Variants in ALDOA observed in about 807,000 individuals in gnomAD.
ALDOA encodes fructose-bisphosphate aldolase A.
In ALDOA, 26 loss-of-function variants were observed where a neutral mutation model predicts 43.9. The observed-to-expected ratio is 0.59, with a 90% confidence interval of 0.43 to 0.82. ALDOA has a LOEUF of 0.82. Among genes scored for constraint, ALDOA ranks in the 40% least tolerant of loss-of-function variants. The probability of loss-of-function intolerance (pLI) is 0.00; values close to 1 mark genes in which losing one functional copy is unlikely to be tolerated. For synonymous variants in ALDOA, 258 were observed against 222.6 expected, an observed-to-expected ratio of 1.16 and a Z score of -1.42; for missense variants, 498 against 549.5, an observed-to-expected ratio of 0.91 and a Z score of 0.94.
rs2151018864 is a variant in ALDOA at position 30,069,612 on chromosome 16, T to C, written c.900T>C (p.His300=). The C allele has an allele frequency of 1.2e-6, 2 of 1,614,060 alleles. No homozygotes were observed. Among genetic ancestry groups the C allele is most frequent in the South Asian group, 1.1e-5 (1 of 91,084 alleles). Residue 300 remains histidine, a synonymous_variant, in exon 8 of 10, where the codon CAT becomes CAC. Coordinates refer to ENST00000642816, the MANE Select transcript of ALDOA (RefSeq NM_001243177.4). ...ATGCTTGCACTCAGAAGTTTTCTCATGAGGAGATTGCCATGGCGACCGTCA... is the reference window on the plus strand; with the variant it reads ...ATGCTTGCACTCAGAAGTTTTCTCACGAGGAGATTGCCATGGCGACCGTCA... ...PGHACTQKFS[H]EEIAMATVTA...
At chr16:30,065,071 G>GCGGCGGCC (rs1270323026), upstream of ALDOA, among the ~76,000 whole-genome samples, 1 of 152,262 alleles carries the variant, frequency 6.6e-6, no homozygotes, top group Non-Finnish European at 1.5e-5. Context: ...CAGCCTGGCT[G>GCGGCGGCC]CGGCGGCCCG....
Position 30,065,900 on chromosome 16 carries a change from C to G in ALDOA, c.-41C>G, listed in dbSNP as rs2072083097. 6.5e-6 allele frequency: 1 copy of G among 153,552 alleles called. No homozygotes were observed. Among genetic ancestry groups the G allele is most frequent in the Admixed American group, 6.5e-5 (1 of 15,294 alleles). The allele number at this position is 153,552 out of a possible 1,614,324, so 9.5% of individuals were successfully genotyped here. On this transcript the variant is annotated 5_prime_UTR_variant, in exon 1 of 10. Transcript: ENST00000642816. Reference sequence around the variant, plus strand: ...GCCCGCCGCCCTCTGCCGCCGCACCCTGCACACCCGCCCCTCTCCTGTGCC... The same window carrying G: ...GCCCGCCGCCCTCTGCCGCCGCACCGTGCACACCCGCCCCTCTCCTGTGCC...
At chr16:30,067,126 G>T in intron 2 of ALDOA, 88 bp downstream of exon 2, 1 of 1,578,144 alleles carries the variant, frequency 6.3e-7, no homozygotes, top group South Asian at 1.1e-5. Context: ...GTGTGGGGCA[G>T]GGGAGGTAGG....
upstream of ALDOA, chr16:30,065,556 C>T (rs1257212620): frequency 5.2e-5 from 8 of 152,446 alleles, no homozygotes; most frequent in South Asian, 2.1e-4. Flanking sequence ...GGGATGTGGT[C>T]CGAGTCACGT....
intron 4 of ALDOA, 157 bp from the exon 5 acceptor site, chr16:30,068,489 G>A: frequency 1.2e-6 from 1 of 810,158 alleles, no homozygotes; most frequent in South Asian, 1.4e-5. Context: ...GGCACGCCCA[G>A]CTACCTAGGA....
chr16:30,069,169 G>A (rs927517149), intron 6 of ALDOA, 137 bp from the exon 7 acceptor site: 4 of 1,338,264 alleles, frequency 3.0e-6, no homozygotes, highest in Non-Finnish European at 4.2e-6. Flanking sequence ...GGCGGCTCTT[G>A]TCTCCTGTAA....
At position 30,069,906 on chromosome 16, in the gene ALDOA, G is replaced by C. The variant is rs2072262216; in HGVS notation, c.1038G>C (p.Leu346=). 1.2e-6 allele frequency: 2 copies of C among 1,614,148 alleles called. No individual in the cohort carries two copies. Among genetic ancestry groups the C allele is most frequent in the African/African-American group, 2.7e-5 (2 of 75,052 alleles). ...INLNAINKCP[L]LKPWALTFSY... ...TCAATGCCATTAACAAGTGCCCCCTGCTGAAGCCCTGGGCCCTGACCTTCT... is the reference window on the plus strand; with the variant it reads ...TCAATGCCATTAACAAGTGCCCCCTCCTGAAGCCCTGGGCCCTGACCTTCT... Residue 346 remains leucine, a synonymous_variant, in exon 9 of 10, where the codon CTG becomes CTC. Coordinates refer to ENST00000642816, the MANE Select transcript of ALDOA (RefSeq NM_001243177.4).
rs1349758007 is a variant in ALDOA, at chr16:30,069,347, T to C, written c.744T>C (p.Asp248=). 1.2e-6 allele frequency: 2 copies of C among 1,614,194 alleles called. No individual in the cohort carries two copies. Among genetic ancestry groups the C allele is most frequent in the South Asian group, 2.2e-5 (2 of 91,084 alleles). ...VPIVEPEILP[D]GDHDLKRCQY... ...TCGTGGAGCCTGAGATCCTCCCTGA[T>C]GGGGACCATGACTTGAAGCGCTGCC... The change falls in exon 7 of 10, where the codon GAT becomes GAC. Residue 248 remains aspartate, a synonymous_variant. Coordinates refer to ENST00000642816, the MANE Select transcript of ALDOA (RefSeq NM_001243177.4).
Position 30,070,301 on chromosome 16 carries a change from T to A in ALDOA, c.*89T>A. 1 of 1,331,024 alleles carries A rather than the reference T, an allele frequency of 7.5e-7. No homozygotes were observed. Among genetic ancestry groups the A allele is most frequent in the Non-Finnish European group, 1.1e-6 (1 of 927,956 alleles). 82.5% of individuals were successfully genotyped at this position (1,331,024 alleles called of 1,614,324 possible). On this transcript the variant is annotated 3_prime_UTR_variant, in exon 10 of 10. Coordinates refer to ENST00000642816, the MANE Select transcript of ALDOA (RefSeq NM_001243177.4). ...AGGCCGCCTCCTCGGGGCTCCAGGC[T>A]GGCTTGCCCGCGCTCTTTCTTCCCT... is the stretch of plus-strand genomic sequence containing the variant.
chr16:30,065,062 A>G (rs1422581532), upstream of ALDOA, among the ~76,000 whole-genome samples: 1 of 152,230 alleles, frequency 6.6e-6, no homozygotes, highest in Non-Finnish European at 1.5e-5. Context: ...GAGGACTACC[A>G]GCCTGGCTGC....
rs1567323268 is a variant in ALDOA at position 30,067,586 on chromosome 16, ACT to A, written c.414_415del (p.Tyr139ProfsTer5). 3.7e-6 allele frequency: 6 copies of A among 1,613,784 alleles called. No individual in the cohort carries two copies. The highest frequency in any genetic ancestry group is 1.1e-5 in the South Asian group (1 of 91,078). On this transcript the variant is annotated frameshift_variant, in exon 4 of 10. Transcript: ENST00000642816. LOFTEE classifies it high-confidence loss of function. ...IGGVILFHET[L>X]YQKADDGRPF... ...GGGGTGTCATCCTCTTCCATGAGAC[ACT>A]CTACCAGAAGGCGGATGATGGGCGT...
chr16:30,065,272 C>T (rs2072058861), upstream of ALDOA, among the ~76,000 whole-genome samples: 1 of 152,246 alleles, frequency 6.6e-6, no homozygotes, highest in African/African-American at 2.4e-5. Context: ...CCGATTCAGC[C>T]CGCGGGCGAG....
rs762685202 is a variant in ALDOA at position 30,068,884 on chromosome 16, G to A, written c.608G>A (p.Arg203His). The change falls in exon 6 of 10, where the codon CGT (arginine) becomes CAT (histidine). Residue 203 changes from arginine (R) to histidine (H), a missense_variant. Arg to His is a conservative substitution (Grantham distance 29). Transcript: ENST00000642816. ...KKDGADFAKW[R>H]CVLKIGEHTP... ...GACGGAGCTGACTTCGCCAAGTGGC[G>A]TTGTGTGCTGAAGATTGGGGAACAC... 3 of 1,614,242 alleles carry A rather than the reference G, an allele frequency of 1.9e-6. No homozygotes were observed. The highest frequency in any genetic ancestry group is 1.7e-5 in the Admixed American group (1 of 60,032).
chr16:30,069,066 C>T (rs2072222865), intron 6 of ALDOA, 88 bp downstream of exon 6: 1 of 1,585,338 alleles, frequency 6.3e-7, no homozygotes, highest in Non-Finnish European at 8.6e-7. Context: ...TGATGCCTAC[C>T]TCCCCAAAAG....
chr16:30,066,447 T>G (rs1210794986), intron 1 of ALDOA, among the ~76,000 whole-genome samples: 1 of 152,220 alleles, frequency 6.6e-6, no homozygotes, highest in Non-Finnish European at 1.5e-5. Context: ...ACGGGAGCAT[T>G]TTTCAGGGGA....
At position 30,067,612 on chromosome 16, in the gene ALDOA, G is replaced by A. The variant is rs747482925; in HGVS notation, c.437G>A (p.Arg146His). 15 of 1,613,998 alleles carry A rather than the reference G, an allele frequency of 9.3e-6. No individual in the cohort carries two copies. In the South Asian group the frequency reaches 1.4e-4, roughly 15 times the overall value. The change falls in exon 4 of 10, where the codon CGT becomes CAT. Residue 146 changes from arginine to histidine, a missense_variant. Arg to His is a conservative substitution (Grantham distance 29). Transcript: ENST00000642816. ...CTCTACCAGAAGGCGGATGATGGGC[G>A]TCCCTTCCCCCAAGTTATCAAATCC... ...ETLYQKADDG[R>H]PFPQVIKSKG...
chr16:30,070,269 G>C lies in ALDOA; in HGVS notation c.*57G>C. On this transcript the variant is annotated 3_prime_UTR_variant, in exon 10 of 10. Coordinates refer to ENST00000642816, the MANE Select transcript of ALDOA (RefSeq NM_001243177.4). ...CCAGGCCCTGCCCCCTCCCACTCTT[G>C]AAGAGGAGGCCGCCTCCTCGGGGCT... 6.4e-7 allele frequency: 1 copy of C among 1,565,532 alleles called. No individual in the cohort carries two copies. The highest frequency in any genetic ancestry group is 8.8e-7 in the Non-Finnish European group (1 of 1,136,332).
At position 30,067,583 on chromosome 16, in the gene ALDOA, G is replaced by A. The variant is rs2072165192; in HGVS notation, c.408G>A (p.Glu136=). 1 of 1,613,962 alleles carries A rather than the reference G, an allele frequency of 6.2e-7. No individual in the cohort carries two copies. Among genetic ancestry groups the A allele is most frequent in the African/African-American group, 1.3e-5 (1 of 74,878 alleles). Reference sequence around the variant, plus strand: ...TTGGGGGTGTCATCCTCTTCCATGAGACACTCTACCAGAAGGCGGATGATG... The same window carrying A: ...TTGGGGGTGTCATCCTCTTCCATGAAACACTCTACCAGAAGGCGGATGATG... ...PCIGGVILFH[E]TLYQKADDGR... The change falls in exon 4 of 10, where the codon GAG becomes GAA. Residue 136 remains glutamate, a synonymous_variant. Coordinates refer to ENST00000642816, the MANE Select transcript of ALDOA (RefSeq NM_001243177.4).
chr16:30,068,062 ATTTTTT>A, intron 4 of ALDOA: 4 of 176,502 alleles, frequency 2.3e-5, no homozygotes, highest in South Asian at 7.3e-5. Context: ...TTTTAAGTAA[ATTTTTT>A]TTTTTTTTTT....
Sources: allele counts gnomAD v4.1 joint callset (sites outside exome capture counted in the v4.1 genomes callset), GRCh38; gene constraint gnomAD v4.1.1; transcripts MANE v1.5; gene names NCBI Gene and HGNC (gene_info 2026-07-23, HGNC 2026-07-21).